KAZN: variants seen among roughly 807,000 people sequenced by gnomAD.
The protein encoded by KAZN is kazrin.
KAZN carries 40 observed loss-of-function variants against 87.4 expected under a neutral mutation model. The ratio of observed to expected loss-of-function variants is 0.46; its 90% CI spans 0.36 to 0.60. The LOEUF (loss-of-function observed/expected upper bound fraction) is 0.60. Ranked by LOEUF, KAZN falls within the 20% of genes least tolerant of loss-of-function variation. The pLI is 0.00. For synonymous variants in KAZN, 466 were observed against 458.3 expected, an observed-to-expected ratio of 1.02 and a Z score of -0.22; for missense variants, 898 against 1,073.9, an observed-to-expected ratio of 0.84 and a Z score of 2.29.
chr1:14,369,874 G>A (rs1011303717), intron 2 of KAZN, among the ~76,000 whole-genome samples: 2 of 152,130 alleles, frequency 1.3e-5, no homozygotes, highest in Admixed American at 6.5e-5. Flanking sequence ...TTTCATGATG[G>A]TGCTTAGTCT....
intron 1 of KAZN, among the ~76,000 whole-genome samples, chr1:14,760,066 GTAAC>G (rs1387292068): frequency 6.6e-6 from 1 of 152,114 alleles, no homozygotes; most frequent in Non-Finnish European, 1.5e-5. Context: ...ACCCCGAGGT[GTAAC>G]TTACATTCCA....
chr1:14,959,456 C>T (rs1663572417), intron 1 of KAZN, among the ~76,000 whole-genome samples: 1 of 151,964 alleles, frequency 6.6e-6, no homozygotes, highest in South Asian at 2.1e-4. Flanking sequence ...AGAGGCCTGG[C>T]CCCAGCCAGG....
chr1:14,112,434 G>T lies in KAZN; in HGVS notation c.92-68001G>T, dbSNP rs1258490970. Among the ~76,000 whole-genome samples, 3 of 77,720 alleles carry T rather than the reference G, an allele frequency of 3.9e-5. 1 individual carries two copies. The highest frequency in any genetic ancestry group is 7.9e-5 in the Non-Finnish European group (3 of 38,086). 51.0% of individuals were successfully genotyped at this position (77,720 alleles called of 152,430 possible). ...CTCCCACTCCTCTTTGGCCACTGTG[G>T]GTTGTCAACAGTCTTGATTCCAAGA... On this transcript the variant is annotated intron_variant, in intron 1 of 16. Coordinates refer to the KAZN transcript ENST00000636203.
At position 15,066,108 on chromosome 1, in the gene KAZN, GTTTTTC is replaced by G. The variant is rs1639206413; in HGVS notation, c.1222+367_1222+372del. 5 of 1,118,670 alleles carry G rather than the reference GTTTTTC, an allele frequency of 4.5e-6. No individual in the cohort carries two copies. In the East Asian group the frequency reaches 2.4e-4, roughly 53 times the overall value. The allele number at this position is 1,118,670 out of a possible 1,614,324, so 69.3% of individuals were successfully genotyped here. ...GTTTATTATTTTTCTTCAGTGTTTGGTTTTTCTTTTTCTTTTTGTTTGGTTCGTCGG... is the reference window on the plus strand; with the variant it reads ...GTTTATTATTTTTCTTCAGTGTTTGGTTTTTCTTTTTGTTTGGTTCGTCGG... On this transcript the variant is annotated intron_variant, in intron 8 of 14. Transcript: ENST00000376030. This position sits in a 1 kb window ranked among gnomAD's most constrained non-coding sequence, Gnocchi z 4.3.
intron 13 of KAZN, among the ~76,000 whole-genome samples, chr1:15,109,978 T>C (rs1007734244): frequency 2.2e-5 from 3 of 135,502 alleles, no homozygotes; most frequent in African/African-American, 7.8e-5. Context: ...TTTGTATGTT[T>C]GTATGTTTAT....
intron 2 of KAZN, among the ~76,000 whole-genome samples, chr1:14,411,885 G>C (rs1055969368): frequency 5.9e-5 from 9 of 152,128 alleles, no homozygotes; most frequent in South Asian, 2.1e-4. Flanking sequence ...CAGAAGCAGA[G>C]GTACTGATTA....
At position 14,949,916 on chromosome 1, in the gene KAZN, C is replaced by T. The variant is rs1002355723; in HGVS notation, c.227-10768C>T. Among the ~76,000 whole-genome samples, 1 of 152,054 alleles carries T rather than the reference C, an allele frequency of 6.6e-6. No individual in the cohort carries two copies. Among genetic ancestry groups the T allele is most frequent in the African/African-American group, 2.4e-5 (1 of 41,372 alleles). On this transcript the variant is annotated intron_variant, in intron 1 of 14. Transcript: ENST00000376030. The surrounding 1 kb of genome is among the most constrained non-coding windows in gnomAD (Gnocchi z 4.3). ...ATGGTAGAAGAGGATCCGCTTGGCACTCAGGGCACCGAGGAGGGTCTGGCT... is the reference window on the plus strand; with the variant it reads ...ATGGTAGAAGAGGATCCGCTTGGCATTCAGGGCACCGAGGAGGGTCTGGCT...
intron 1 of KAZN, among the ~76,000 whole-genome samples, chr1:14,867,668 G>A (rs1447600419): frequency 6.6e-6 from 1 of 151,838 alleles, no homozygotes; most frequent in East Asian, 1.9e-4. Flanking sequence ...TCCTATTCAG[G>A]TGCTTTTGCT....
chr1:14,190,736 A>T (rs1056146716), intron 2 of KAZN, among the ~76,000 whole-genome samples: 4 of 152,148 alleles, frequency 2.6e-5, no homozygotes, highest in Non-Finnish European at 5.9e-5. Flanking sequence ...CAGGTGAGTC[A>T]TCCTGCTGAG....
At chr1:14,865,049 A>T (rs927917222) in intron 1 of KAZN, among the ~76,000 whole-genome samples, 8 of 152,290 alleles carry the variant, frequency 5.3e-5, no homozygotes, top group Admixed American at 3.3e-4. Context: ...CCTCAATGAG[A>T]TCTTTCCCCG....
At chr1:13,920,399 A>T (rs539297292) in intron 1 of KAZN, among the ~76,000 whole-genome samples, 14 of 152,158 alleles carry the variant, frequency 9.2e-5, no homozygotes, top group African/African-American at 3.1e-4. Context: ...ATACTGTTTT[A>T]ATTACTTTGG....
At chr1:14,719,006 A>C (rs1642953855) in intron 1 of KAZN, among the ~76,000 whole-genome samples, 1 of 152,106 alleles carries the variant, frequency 6.6e-6, no homozygotes, top group Admixed American at 6.5e-5. Flanking sequence ...TGAGTCTCTA[A>C]GGGTGCAGGC....
At position 13,972,276 on chromosome 1, in the gene KAZN, C is replaced by CTT. The variant is rs546200121; in HGVS notation, c.91+78534_91+78535dup. 9.3e-3 allele frequency among the ~76,000 whole-genome samples: 1,312 copies of CTT among 141,176 alleles called. 14 individuals are homozygous for CTT. Among genetic ancestry groups the CTT allele is most frequent in the Non-Finnish European group, 0.013 (878 of 65,162 alleles). 92.6% of individuals were successfully genotyped at this position (141,176 alleles called of 152,430 possible). A position where few individuals can be genotyped will look rare whatever the true frequency, so the allele number is the denominator to read the frequency against. On this transcript the variant is annotated intron_variant, in intron 1 of 16. Transcript: ENST00000636203. ...CCCTACTTTTTTTCTTTTTTCTTTT[C>CTT]TTTTTTTTTTTTTTTGAGACACAGT...
At chr1:15,005,743 G>A (rs941296368) in intron 2 of KAZN, among the ~76,000 whole-genome samples, 1 of 151,632 alleles carries the variant, frequency 6.6e-6, no homozygotes, top group Non-Finnish European at 1.5e-5. Context: ...AGGTGAGATC[G>A]TGCCACTGCA....
intron 1 of KAZN, among the ~76,000 whole-genome samples, chr1:14,175,498 T>C (rs1032619400): frequency 1.3e-5 from 2 of 152,244 alleles, no homozygotes; most frequent in East Asian, 3.8e-4. Context: ...AATCTTTCAA[T>C]TTGTCTTTTG....
intron 1 of KAZN, among the ~76,000 whole-genome samples, chr1:14,032,578 CT>C (rs1398625848): frequency 1.3e-5 from 2 of 152,178 alleles, no homozygotes. Context: ...AGGTTCCTGA[CT>C]TTTTCCTCTC....
intron 2 of KAZN, among the ~76,000 whole-genome samples, chr1:14,482,188 C>T (rs75010668): frequency 0.031 from 4,650 of 152,280 alleles, 177 homozygotes; most frequent in East Asian, 0.15. Flanking sequence ...GATGCTCACC[C>T]CCTCCCGCTA....
At chr1:14,034,010 T>C (rs1263505718) in intron 1 of KAZN, among the ~76,000 whole-genome samples, 3 of 152,222 alleles carry the variant, frequency 2.0e-5, no homozygotes, top group African/African-American at 7.2e-5. Flanking sequence ...TGTGGAAACG[T>C]CTAGCCTGGA....
chr1:14,949,709 C>T lies in KAZN; in HGVS notation c.227-10975C>T, dbSNP rs551136624. Among the ~76,000 whole-genome samples the T allele has an allele frequency of 1.3e-5, 2 of 152,330 alleles. No homozygotes were observed. The highest frequency in any genetic ancestry group is 3.9e-4 in the East Asian group (2 of 5,190). On this transcript the variant is annotated intron_variant, in intron 1 of 14. Coordinates refer to ENST00000376030, the MANE Select transcript of KAZN (RefSeq NM_201628.3). This position sits in a 1 kb window ranked among gnomAD's most constrained non-coding sequence, Gnocchi z 4.3. ...AAGTGGGGCTGGAGGTCTGCGATTCCTTGACTTCCCCAGGACATCCCTGCT... is the reference window on the plus strand; with the variant it reads ...AAGTGGGGCTGGAGGTCTGCGATTCTTTGACTTCCCCAGGACATCCCTGCT...
Sources: gnomAD v4.1 joint callset for allele counts (sites outside exome capture counted in the v4.1 genomes callset) on GRCh38, gnomAD v4.1.1 for gene constraint, Gnocchi (gnomAD v3.1) non-coding constraint, MANE v1.5 for transcripts, NCBI Gene and HGNC (gene_info 2026-07-23, HGNC 2026-07-21) for gene names.